The following MBNL3 variants were observed in gnomAD, a reference collection of about 807,000 sequenced individuals.
MBNL3 encodes the protein muscleblind like splicing regulator 3.
Under a neutral mutation model 24.5 loss-of-function variants are expected in MBNL3, and 6 were observed. The ratio of observed to expected loss-of-function variants is 0.25; its 90% CI spans 0.13 to 0.48. The LOEUF (loss-of-function observed/expected upper bound fraction) is 0.48, where lower values mean the gene tolerates loss of function less well. MBNL3 is among the 20% of genes least tolerant of loss of function. The probability of loss-of-function intolerance (pLI) is 0.99; values close to 1 mark genes in which losing one functional copy is unlikely to be tolerated. For synonymous variants in MBNL3, 100 were observed against 101.7 expected, an observed-to-expected ratio of 0.98 and a Z score of 0.10; for missense variants, 230 against 293.5, an observed-to-expected ratio of 0.78 and a Z score of 1.58.
At chrX:132,441,977 G>A (rs754714474) in intron 1 of MBNL3, among the ~76,000 whole-genome samples, 16 of 111,869 alleles carry the variant, frequency 1.4e-4, no homozygotes, top group Non-Finnish European at 2.6e-4. Flanking sequence ...ATTATGTTAA[G>A]TGAAAGAACT....
chrX:132,415,764 CA>C (rs1362704730), intron 2 of MBNL3, among the ~76,000 whole-genome samples: 1 of 111,535 alleles, frequency 9.0e-6, no homozygotes, highest in Non-Finnish European at 1.9e-5. Flanking sequence ...AACCTAACAC[CA>C]AAAATGGAAT....
chrX:132,487,140 TTTTC>T (rs1299539984), intron 1 of MBNL3, among the ~76,000 whole-genome samples: 2 of 111,433 alleles, frequency 1.8e-5, no homozygotes, highest in South Asian at 3.8e-4. Flanking sequence ...GTATTTTCAC[TTTTC>T]TTTCTTTCTT....
At chrX:132,447,918 A>C (rs1945822629) in intron 1 of MBNL3, among the ~76,000 whole-genome samples, 1 of 112,055 alleles carries the variant, frequency 8.9e-6, no homozygotes, top group South Asian at 3.7e-4. Context: ...ATTTTGAGAT[A>C]TGTTCCATGA....
chrX:132,489,773 C>T (rs1302598886), upstream of MBNL3: 1 of 109,366 alleles, frequency 9.1e-6, no homozygotes, highest in East Asian at 2.9e-4. Context: ...CCCGGCCCCG[C>T]CCCGCCCGGC....
intron 1 of MBNL3, among the ~76,000 whole-genome samples, chrX:132,484,794 T>G (rs1947914450): frequency 9.0e-6 from 1 of 111,409 alleles, no homozygotes; most frequent in Non-Finnish European, 1.9e-5. Context: ...AATAATTCCT[T>G]TTCCTCATGA....
chrX:132,397,768 A>G (rs1232761353), intron 3 of MBNL3, among the ~76,000 whole-genome samples: 1 of 111,113 alleles, frequency 9.0e-6, no homozygotes, highest in Admixed American at 9.7e-5. Flanking sequence ...TTTCCATCAG[A>G]CTTCACTTTC....
chrX:132,483,469 G>A (rs892922719), intron 1 of MBNL3, among the ~76,000 whole-genome samples: 2 of 112,026 alleles, frequency 1.8e-5, no homozygotes, highest in Non-Finnish European at 3.8e-5. Flanking sequence ...ATTATTTCAC[G>A]AGATACATGT....
At position 132,386,658 on chromosome X, in the gene MBNL3, C is replaced by T. The variant is rs201641330; in HGVS notation, c.922+3G>A. On this transcript the variant is annotated splice_donor_region_variant and intron_variant, in intron 6 of 8. Transcript: ENST00000370853. The stretch of plus-strand genomic sequence containing the variant: ...GCTGCAGTGCCTAGAGCTGTGTTCT[C>T]ACCTGCAGGGATAAATGCCGGCTGT... 5 of 1,208,384 alleles carry T rather than the reference C, an allele frequency of 4.1e-6. No homozygotes were observed. The highest frequency in any genetic ancestry group is 5.6e-6 in the Non-Finnish European group (5 of 895,039).
At position 132,472,662 on chromosome X, in the gene MBNL3, A is replaced by G. The variant is rs1947239088; in HGVS notation, c.-704+16189T>C. ...TCATTTCTTTGGTATTTATTGTAATATTAATCATACAGACACATACCCCCC... is the reference window on the plus strand; with the variant it reads ...TCATTTCTTTGGTATTTATTGTAATGTTAATCATACAGACACATACCCCCC... On this transcript the variant is annotated intron_variant, in intron 1 of 8. Transcript: ENST00000370853. Among the ~76,000 whole-genome samples, 3 of 112,218 alleles carry G rather than the reference A, an allele frequency of 2.7e-5. No individual in the cohort carries two copies. The South Asian group carries it at 1.1e-3, about 42-fold the overall frequency.
intron 7 of MBNL3, among the ~76,000 whole-genome samples, chrX:132,384,405 T>C (rs950184831): frequency 8.9e-6 from 1 of 112,397 alleles, no homozygotes; most frequent in Non-Finnish European, 1.9e-5. Flanking sequence ...GATTTTTTAA[T>C]ATTTCAGTTG....
intron 2 of MBNL3, among the ~76,000 whole-genome samples, chrX:132,411,944 C>T (rs1254269466): frequency 9.0e-6 from 1 of 111,664 alleles, no homozygotes; most frequent in East Asian, 2.8e-4. Flanking sequence ...CTAAGTGCTT[C>T]TCTTGCTATT....
rs1231063823 is a variant in MBNL3, at chrX:132,378,741, C to CA, written c.*924dup. 5 of 111,666 alleles carry CA rather than the reference C, an allele frequency of 4.5e-5. No homozygotes were observed. Among genetic ancestry groups the CA allele is most frequent in the South Asian group, 3.7e-4 (1 of 2,710 alleles). The allele number at this position is 111,666 out of a possible 1,213,427, so 9.2% of individuals were successfully genotyped here. On this transcript the variant is annotated 3_prime_UTR_variant, in exon 9 of 9. Transcript: ENST00000370853. Reference sequence around the variant, plus strand: ...AGATGGGATTCTCAAGCCACACACACAAAAAATCTAATGAGCACTTTACAT... The same window carrying CA: ...AGATGGGATTCTCAAGCCACACACACAAAAAAATCTAATGAGCACTTTACAT...
intron 1 of MBNL3, among the ~76,000 whole-genome samples, chrX:132,455,576 A>T (rs1418966461): frequency 8.9e-6 from 1 of 111,950 alleles, no homozygotes; most frequent in Non-Finnish European, 1.9e-5. Flanking sequence ...TGGACAAAAT[A>T]CCTAAAATTT....
At position 132,439,605 on chromosome X, in the gene MBNL3, C is replaced by T. The variant is rs780805843; in HGVS notation, c.7G>A (p.Ala3Thr). 8.4e-7 allele frequency: 1 copy of T among 1,195,972 alleles called. No individual in the cohort carries two copies. The highest frequency in any genetic ancestry group is 1.9e-5 in the South Asian group (1 of 53,559). MT[A>T]VNVALIRDTK... ...TCACGAATCAGGGCAACATTGACAG[C>T]CGTCATATTGAAAGCAAAATTAAAA... Residue 3 changes from alanine to threonine, a missense_variant, in exon 2 of 9, where the codon GCT becomes ACT. Coordinates refer to ENST00000370853, the MANE Select transcript of MBNL3 (RefSeq NM_001386889.1).
rs900427443 is a variant in MBNL3 at position 132,431,984 on chromosome X, G to C, written c.177+7451C>G. 14 of 111,470 alleles carry C rather than the reference G, an allele frequency of 1.3e-4. 1 individual carries two copies. Among genetic ancestry groups the C allele is most frequent in the Admixed American group, 1.2e-3 (13 of 10,478 alleles). The allele number at this position is 111,470 out of a possible 1,213,427, so 9.2% of individuals were successfully genotyped here. ...ATTTACTAACTAGAATCCTGTATTT[G>C]TGTGCAATTCTTTTTATCTTTATTA... is the stretch of plus-strand genomic sequence containing the variant. On this transcript the variant is annotated intron_variant, in intron 2 of 8. Transcript: ENST00000370853.
At chrX:132,436,814 G>A (rs1017903475) in intron 2 of MBNL3, among the ~76,000 whole-genome samples, 4 of 112,053 alleles carry the variant, frequency 3.6e-5, no homozygotes, top group Admixed American at 2.8e-4. Flanking sequence ...GGCAAATTAA[G>A]TAATTGTTTG....
chrX:132,395,121 T>TATTTA (rs1316961170), intron 3 of MBNL3, among the ~76,000 whole-genome samples: 2 of 111,461 alleles, frequency 1.8e-5, no homozygotes, highest in African/African-American at 6.5e-5. Context: ...CTGAGTGGCT[T>TATTTA]ATTTATTTTC....
At position 132,472,979 on chromosome X, in the gene MBNL3, C is replaced by T. The variant is rs73237365; in HGVS notation, c.-704+15872G>A. On this transcript the variant is annotated intron_variant, in intron 1 of 8. Coordinates refer to ENST00000370853, the MANE Select transcript of MBNL3 (RefSeq NM_001386889.1). Reference sequence around the variant, plus strand: ...TGTAGCTAATTGGTAACACAGAACACGGACTTTGAGGGGATATCACACTAA... The same window carrying T: ...TGTAGCTAATTGGTAACACAGAACATGGACTTTGAGGGGATATCACACTAA... Among the ~76,000 whole-genome samples the T allele has an allele frequency of 4.2e-3, 473 of 111,614 alleles. 1 individual carries two copies. Among genetic ancestry groups the T allele is most frequent in the South Asian group, 0.015 (40 of 2,663 alleles).
intron 2 of MBNL3, among the ~76,000 whole-genome samples, chrX:132,429,041 C>T (rs1398370114): frequency 8.9e-6 from 1 of 112,179 alleles, no homozygotes; most frequent in African/African-American, 3.2e-5. Flanking sequence ...TTAATGGTAA[C>T]ATCAAACAGT....
Sources: gnomAD v4.1 joint callset for allele counts (sites outside exome capture counted in the v4.1 genomes callset) on GRCh38, gnomAD v4.1.1 for gene constraint, MANE v1.5 for transcripts, NCBI Gene and HGNC (gene_info 2026-07-23, HGNC 2026-07-21) for gene names.